The following MACROD2 variants were observed in gnomAD, a reference collection of about 807,000 sequenced individuals.
The protein encoded by MACROD2 is mono-ADP ribosylhydrolase 2, also known as ADP-ribose glycohydrolase MACROD2.
In MACROD2, 36 loss-of-function variants were observed where a neutral mutation model predicts 70.4. The ratio of observed to expected loss-of-function variants is 0.51; its 90% CI spans 0.39 to 0.68. The LOEUF (loss-of-function observed/expected upper bound fraction) is 0.68, where lower values mean the gene tolerates loss of function less well. MACROD2 is among the 30% of genes least tolerant of loss of function. MACROD2 has a pLI of 0.00. For synonymous variants in MACROD2, 172 were observed against 178.8 expected (o/e 0.96, Z 0.30); for missense variants, 496 against 538.4 (o/e 0.92, Z 0.78).
chr20:15,387,771 C>T (rs950008731), intron 6 of MACROD2, among the ~76,000 whole-genome samples: 1 of 146,274 alleles, frequency 6.8e-6, no homozygotes, highest in African/African-American at 2.5e-5. Flanking sequence ...ACAGGTCTCA[C>T]TCTGTCATCC....
chr20:14,953,406 A>ACG (rs1487569214), intron 5 of MACROD2, among the ~76,000 whole-genome samples: 1 of 152,036 alleles, frequency 6.6e-6, no homozygotes, highest in East Asian at 1.9e-4. Context: ...TCCTGGGTTC[A>ACG]CGCCATTCTC....
At chr20:14,866,463 T>G (rs2073428659) in intron 5 of MACROD2, among the ~76,000 whole-genome samples, 1 of 152,142 alleles carries the variant, frequency 6.6e-6, no homozygotes, top group Non-Finnish European at 1.5e-5. Context: ...CTCAATGCTA[T>G]AGATGATGAT....
chr20:15,703,443 G>A (rs1351917687), intron 8 of MACROD2, among the ~76,000 whole-genome samples: 3 of 152,218 alleles, frequency 2.0e-5, no homozygotes, highest in East Asian at 3.9e-4. Context: ...CCAGAACCCT[G>A]GAGGTATCTT....
At chr20:14,023,785 CT>C (rs1229163485) in intron 2 of MACROD2, among the ~76,000 whole-genome samples, 1 of 152,170 alleles carries the variant, frequency 6.6e-6, no homozygotes, top group Non-Finnish European at 1.5e-5. Flanking sequence ...CAGTATCATG[CT>C]GTTTTGGTTA....
At chr20:14,944,003 T>G (rs543432468) in intron 5 of MACROD2, among the ~76,000 whole-genome samples, 2 of 152,334 alleles carry the variant, frequency 1.3e-5, no homozygotes, top group African/African-American at 4.8e-5. Flanking sequence ...CTTCCGGTGC[T>G]CTTCCCTATG....
At chr20:15,197,960 CTTT>C (rs56284199) in intron 5 of MACROD2, among the ~76,000 whole-genome samples, 24,320 of 118,198 alleles carry the variant, frequency 0.21, 2,276 homozygotes, top group Middle Eastern at 0.32. Flanking sequence ...GCCTGGCCTC[CTTT>C]TTTTTTTTTT....
At chr20:14,180,785 A>G (rs2081299237) in intron 3 of MACROD2, among the ~76,000 whole-genome samples, 1 of 152,138 alleles carries the variant, frequency 6.6e-6, no homozygotes, top group African/African-American at 2.4e-5. Flanking sequence ...ATATCTTAAA[A>G]GAATGTTAAT....
At chr20:15,140,064 G>A (rs1178577149) in intron 5 of MACROD2, among the ~76,000 whole-genome samples, 1 of 152,190 alleles carries the variant, frequency 6.6e-6, no homozygotes, top group East Asian at 1.9e-4. Context: ...AAATGTGGGT[G>A]GGAATGACCA....
chr20:14,733,746 G>T (rs545166051), intron 5 of MACROD2, among the ~76,000 whole-genome samples: 205 of 152,022 alleles, frequency 1.3e-3, no homozygotes, highest in Admixed American at 2.0e-3. Context: ...ATAGGCAGGG[G>T]TTTTTTTTCC....
intron 8 of MACROD2, among the ~76,000 whole-genome samples, chr20:15,772,097 AAAAAATATAT>A (rs1488824894): frequency 2.0e-3 from 186 of 93,418 alleles, no homozygotes; most frequent in African/African-American, 8.8e-3. Flanking sequence ...AAAAAAAAAA[AAAAAATATAT>A]ATATATATAT....
intron 8 of MACROD2, among the ~76,000 whole-genome samples, chr20:15,503,336 A>G (rs540844673): frequency 6.6e-6 from 1 of 152,346 alleles, no homozygotes; most frequent in Admixed American, 6.5e-5. Flanking sequence ...GAAGATTTCA[A>G]ATAGACAATT....
chr20:13,996,842 A>G (rs768920069), intron 1 of MACROD2, among the ~76,000 whole-genome samples: 26 of 152,322 alleles, frequency 1.7e-4, no homozygotes, highest in Non-Finnish European at 7.4e-5. Context: ...GGTGAGGTCT[A>G]TTGAGGGTAG....
intron 4 of MACROD2, among the ~76,000 whole-genome samples, chr20:14,630,383 T>C (rs1030557827): frequency 1.3e-5 from 2 of 152,242 alleles, no homozygotes; most frequent in African/African-American, 4.8e-5. Context: ...CTGCTTAAAC[T>C]TGTTGCACAG....
chr20:14,358,274 A>G (rs2083191150), intron 3 of MACROD2, among the ~76,000 whole-genome samples: 1 of 152,212 alleles, frequency 6.6e-6, no homozygotes, highest in Non-Finnish European at 1.5e-5. Flanking sequence ...AGTCAATGCA[A>G]CCTCTCAAGT....
chr20:15,302,912 C>T (rs540387434), intron 6 of MACROD2, among the ~76,000 whole-genome samples: 3 of 152,268 alleles, frequency 2.0e-5, no homozygotes, highest in African/African-American at 7.2e-5. Flanking sequence ...TGTGAACCTG[C>T]TACTTATATC....
At chr20:15,870,635 AG>A (rs2064567077) in intron 9 of MACROD2, among the ~76,000 whole-genome samples, 1 of 152,142 alleles carries the variant, frequency 6.6e-6, no homozygotes, top group African/African-American at 2.4e-5. Context: ...ATGATGTAGC[AG>A]GAAGACCCTC....
At chr20:14,375,784 A>G (rs1052547585) in intron 3 of MACROD2, among the ~76,000 whole-genome samples, 1 of 152,224 alleles carries the variant, frequency 6.6e-6, no homozygotes, top group Admixed American at 6.5e-5. Flanking sequence ...ACAACTCAGC[A>G]AAGACATTAA....
At chr20:15,181,756 T>C (rs1406467949) in intron 5 of MACROD2, among the ~76,000 whole-genome samples, 1 of 152,188 alleles carries the variant, frequency 6.6e-6, no homozygotes, top group Non-Finnish European at 1.5e-5. Flanking sequence ...CCTCTTCCTG[T>C]TGCCTTATAT....
chr20:14,955,815 G>C (rs1472494070), intron 5 of MACROD2, among the ~76,000 whole-genome samples: 1 of 152,108 alleles, frequency 6.6e-6, no homozygotes, highest in Non-Finnish European at 1.5e-5. Context: ...CTGAAGGAGA[G>C]AGGGGGAAGC....
Sources: allele counts gnomAD v4.1 joint callset (sites outside exome capture counted in the v4.1 genomes callset), GRCh38; gene constraint gnomAD v4.1.1; transcripts MANE v1.5; gene names NCBI Gene and HGNC (gene_info 2026-07-23, HGNC 2026-07-21).